SLC17A5: variants seen among roughly 807,000 people sequenced by gnomAD.
The protein encoded by SLC17A5 is solute carrier family 17 member 5.
In SLC17A5, 47 loss-of-function variants were observed where a neutral mutation model predicts 59.4. The ratio of observed to expected loss-of-function variants is 0.79; its 90% CI spans 0.63 to 1.01. SLC17A5 has a LOEUF of 1.01. Ranked by LOEUF, SLC17A5 falls within the 50% of genes least tolerant of loss-of-function variation. The pLI is 0.00. For missense variants in SLC17A5, 522 were observed against 595.5 expected, an observed-to-expected ratio of 0.88 and a Z score of 1.28; for synonymous variants, 202 against 210.7, an observed-to-expected ratio of 0.96 and a Z score of 0.36.
At chr6:73,625,660 C>CA (rs1561994080) in intron 6 of SLC17A5, among the ~76,000 whole-genome samples, 1 of 144,630 alleles carries the variant, frequency 6.9e-6, no homozygotes, top group Non-Finnish European at 1.5e-5. Flanking sequence ...ACAAGTAAGG[C>CA]AAAAAAACTC....
Position 73,623,662 on chromosome 6 carries a change from T to A in SLC17A5, c.820-1700A>T, listed in dbSNP as rs551580598. Among the ~76,000 whole-genome samples the A allele has an allele frequency of 1.0e-3, 137 of 136,758 alleles. 1 individual carries two copies. The highest frequency in any genetic ancestry group is 8.6e-3 in the South Asian group (36 of 4,170). The allele number at this position is 136,758 out of a possible 152,430, so 89.7% of individuals were successfully genotyped here. On this transcript the variant is annotated intron_variant, in intron 6 of 10. Coordinates refer to ENST00000355773, the MANE Select transcript of SLC17A5 (RefSeq NM_012434.5). Reference sequence around the variant, plus strand: ...GTGATTTATTTTAAGTGTCTTTTATTTTTATTTATTTATTTATTTATTTAT... The same window carrying A: ...GTGATTTATTTTAAGTGTCTTTTATATTTATTTATTTATTTATTTATTTAT...
At chr6:73,632,500 T>C (rs1768789904) in intron 6 of SLC17A5, among the ~76,000 whole-genome samples, 2 of 139,926 alleles carry the variant, frequency 1.4e-5, no homozygotes, top group South Asian at 2.3e-4. Context: ...TGGAGTGCAG[T>C]GGCACAAACA....
At chr6:73,610,997 C>T (rs1346941056) in intron 8 of SLC17A5, among the ~76,000 whole-genome samples, 1 of 152,184 alleles carries the variant, frequency 6.6e-6, no homozygotes, top group Non-Finnish European at 1.5e-5. Context: ...AATCCCAGCA[C>T]GTTAGGAGGC....
chr6:73,644,465 C>T lies in SLC17A5; in HGVS notation c.233G>A (p.Arg78Lys). The T allele has an allele frequency of 1.2e-6, 2 of 1,613,968 alleles. No homozygotes were observed. Among genetic ancestry groups the T allele is most frequent in the South Asian group, 1.1e-5 (1 of 91,048 alleles). ...ATGCTCTGGACACGCCTTGGAAGTT[C>T]TATTATCTTCTAAAGTTGTATTTGA... ...VDSNTTLEDN[R>K]TSKACPEHSA... The change falls in exon 2 of 11, where the codon AGA becomes AAA. Residue 78 changes from arginine (R) to lysine (K), a missense_variant. This residue lies in a region of SLC17A5 where 338 missense variants were observed against 363.8 expected (regional missense o/e 0.93). Coordinates refer to ENST00000355773, the MANE Select transcript of SLC17A5 (RefSeq NM_012434.5).
chr6:73,653,710 G>T (rs1769979845), intron 1 of SLC17A5, 83 bp downstream of exon 1: 2 of 1,364,634 alleles, frequency 1.5e-6, no homozygotes, highest in African/African-American at 1.4e-5. Flanking sequence ...GCAGGGTGCG[G>T]GTACCCGGGC....
intron 2 of SLC17A5, 79 bp from the exon 3 acceptor site, chr6:73,642,003 A>G (rs1769308918): frequency 8.1e-7 from 1 of 1,236,206 alleles, no homozygotes; most frequent in Non-Finnish European, 1.2e-6. Context: ...GCATGTAAGT[A>G]CATATAAATG....
At position 73,621,825 on chromosome 6, in the gene SLC17A5, G is replaced by T. The variant is rs147732875; in HGVS notation, c.957C>A (p.Ile319=). ...LTLLPTYMKE[I]LRFNVQENGF... is the part of the protein sequence containing the mutation. ...TTACCTCTTGAACATTGAACCTTAG[G>T]ATCTCCTTCATATAAGTAGGCAATA... The change falls in exon 7 of 11, where the codon ATC becomes ATA. Residue 319 remains isoleucine, a synonymous_variant. Coordinates refer to ENST00000355773, the MANE Select transcript of SLC17A5 (RefSeq NM_012434.5). 429 of 1,610,958 alleles carry T rather than the reference G, an allele frequency of 2.7e-4. 1 individual carries two copies. The highest frequency in any genetic ancestry group is 2.1e-3 in the Middle Eastern group (13 of 6,054).
chr6:73,601,160 A>C (rs1581954057), intron 9 of SLC17A5, among the ~76,000 whole-genome samples: 2 of 111,796 alleles, frequency 1.8e-5, no homozygotes, highest in Non-Finnish European at 3.7e-5. Context: ...CCGGCCGCCC[A>C]TCGTCTGAGA....
chr6:73,618,999 G>A (rs1163174589), intron 7 of SLC17A5, among the ~76,000 whole-genome samples: 1 of 152,106 alleles, frequency 6.6e-6, no homozygotes, highest in Non-Finnish European at 1.5e-5. Flanking sequence ...AGTGCTAGGT[G>A]CGTGAGCCAC....
intron 1 of SLC17A5, among the ~76,000 whole-genome samples, chr6:73,647,392 T>A (rs1388648096): frequency 1.3e-5 from 2 of 152,164 alleles, no homozygotes; most frequent in Non-Finnish European, 2.9e-5. Context: ...AATGGGCAGA[T>A]CTGAGATGTT....
At chr6:73,623,667 TTTATTTATTTATTTATTTA>T (rs1768265112) in intron 6 of SLC17A5, among the ~76,000 whole-genome samples, 1 of 18,876 alleles carries the variant, frequency 5.3e-5, no homozygotes, top group Non-Finnish European at 1.4e-4. Flanking sequence ...TTTATTTTTA[TTTATTTATTTATTTATTTA>T]TTTATTTATT....
At chr6:73,638,814 A>T (rs1769146382) in intron 3 of SLC17A5, among the ~76,000 whole-genome samples, 1 of 152,014 alleles carries the variant, frequency 6.6e-6, no homozygotes, top group Non-Finnish European at 1.5e-5. Flanking sequence ...TTAAAAAAAA[A>T]AAGTAAAACT....
At chr6:73,598,366 C>T (rs1354744006) in intron 10 of SLC17A5, among the ~76,000 whole-genome samples, 1 of 152,256 alleles carries the variant, frequency 6.6e-6, no homozygotes, top group South Asian at 2.1e-4. Context: ...CGCGGTGGCT[C>T]ATGCCTGATA....
At chr6:73,651,118 T>C (rs13202151) in intron 1 of SLC17A5, among the ~76,000 whole-genome samples, 32,845 of 152,006 alleles carry the variant, frequency 0.22, 3,735 homozygotes, top group Non-Finnish European at 0.25. Flanking sequence ...TTTCAATCAT[T>C]TGGAAGGTAT....
Position 73,595,022 on chromosome 6 carries a change from G to A in SLC17A5, c.*55C>T. On this transcript the variant is annotated 3_prime_UTR_variant, in exon 11 of 11. Transcript: ENST00000355773. The stretch of plus-strand genomic sequence containing the variant: ...TTACACAATACAGAAGGCACTTTGA[G>A]GTTACATGATAAATAAAAATACATT... 1.3e-6 allele frequency: 2 copies of A among 1,591,320 alleles called. No individual in the cohort carries two copies. Among genetic ancestry groups the A allele is most frequent in the East Asian group, 2.2e-5 (1 of 44,730 alleles).
intron 6 of SLC17A5, among the ~76,000 whole-genome samples, chr6:73,624,601 C>T (rs1211618432): frequency 6.6e-6 from 1 of 151,864 alleles, no homozygotes; most frequent in Non-Finnish European, 1.5e-5. Flanking sequence ...TACGGCCAGG[C>T]GTGGTGGCTC....
At chr6:73,638,026 AAC>A (rs1028477335) in intron 4 of SLC17A5, among the ~76,000 whole-genome samples, 12 of 152,144 alleles carry the variant, frequency 7.9e-5, no homozygotes, top group African/African-American at 2.9e-4. Flanking sequence ...TAAGGACAAA[AAC>A]ACTCAATTTT....
intron 7 of SLC17A5, 95 bp from the exon 8 acceptor site, chr6:73,615,542 A>T (rs1282900562): frequency 8.5e-6 from 10 of 1,181,262 alleles, no homozygotes; most frequent in Non-Finnish European, 1.1e-5. Flanking sequence ...CTTGAAAGCA[A>T]AGGAAATGCA....
At chr6:73,596,824 T>G (rs1301437070) in intron 10 of SLC17A5, among the ~76,000 whole-genome samples, 1 of 147,454 alleles carries the variant, frequency 6.8e-6, no homozygotes, top group Non-Finnish European at 1.5e-5. Flanking sequence ...TCCACTGCAC[T>G]CCAGCTTGGG....
Sources: gnomAD v4.1 joint callset for allele counts (sites outside exome capture counted in the v4.1 genomes callset) on GRCh38, gnomAD v4.1.1 for gene constraint, gnomAD v4.1.1 regional missense constraint, MANE v1.5 for transcripts, NCBI Gene and HGNC (gene_info 2026-07-23, HGNC 2026-07-21) for gene names.